FRMD7: variants seen among roughly 807,000 people sequenced by gnomAD.
FRMD7 encodes the protein FERM domain containing 7.
FRMD7 carries 14 observed loss-of-function variants against 44.1 expected under a neutral mutation model. That is an observed-to-expected ratio of 0.32 (90% CI 0.21 to 0.50). The LOEUF (loss-of-function observed/expected upper bound fraction) is 0.50. Ranked by LOEUF, FRMD7 falls within the 20% of genes least tolerant of loss-of-function variation. The pLI, the probability that FRMD7 is intolerant of heterozygous loss-of-function variation, is 0.99. For missense variants in FRMD7, 501 were observed against 522.3 expected (o/e 0.96, Z 0.40); for synonymous variants, 212 against 187.4 (o/e 1.13, Z -1.07).
At chrX:132,117,567 A>G (rs905691735) in intron 1 of FRMD7, among the ~76,000 whole-genome samples, 1 of 111,197 alleles carries the variant, frequency 9.0e-6, no homozygotes, top group African/African-American at 3.3e-5. Flanking sequence ...TCCAAAAGCA[A>G]TATATGCTTA....
chrX:132,089,530 CA>C (rs1362499272), intron 5 of FRMD7, among the ~76,000 whole-genome samples: 2 of 111,802 alleles, frequency 1.8e-5, no homozygotes, highest in East Asian at 5.6e-4. Context: ...TGTTGTACTT[CA>C]AAAGATATCC....
intron 1 of FRMD7, among the ~76,000 whole-genome samples, chrX:132,124,649 G>GA (rs1399227620): frequency 8.9e-6 from 1 of 112,153 alleles, no homozygotes; most frequent in African/African-American, 3.2e-5. Flanking sequence ...AGGAAAACAA[G>GA]ATGTATTTGG....
intron 1 of FRMD7, among the ~76,000 whole-genome samples, chrX:132,103,463 C>T (rs1373166749): frequency 9.3e-6 from 1 of 107,526 alleles, no homozygotes; most frequent in Non-Finnish European, 1.9e-5. Context: ...AATCCTGTCT[C>T]ATCCTGATAT....
At chrX:132,127,686 C>A in intron 1 of FRMD7, 102 bp downstream of exon 1, 1 of 646,276 alleles carries the variant, frequency 1.5e-6, no homozygotes. Flanking sequence ...CTCCTTCATT[C>A]AGTCCTAAAG....
Position 132,077,554 on chromosome X carries a change from TCAG to T in FRMD7, c.*315_*317del. 3.6e-6 allele frequency: 1 copy of T among 275,301 alleles called. No homozygotes were observed. The allele number at this position is 275,301 out of a possible 1,213,427, so 22.7% of individuals were successfully genotyped here. A position where few individuals can be genotyped will look rare whatever the true frequency, so the allele number is the denominator to read the frequency against. ...TGCCAACCCATACTGTCACCATTCT[TCAG>T]CATTGAAGAGCCTGACCTTCACTCA... On this transcript the variant is annotated 3_prime_UTR_variant, in exon 12 of 12. Transcript: ENST00000298542.
At chrX:132,112,687 G>T (rs768105535) in intron 1 of FRMD7, among the ~76,000 whole-genome samples, 1 of 111,273 alleles carries the variant, frequency 9.0e-6, no homozygotes, top group East Asian at 2.8e-4. Flanking sequence ...TATCCTGGGG[G>T]GTCCTGGAGA....
At chrX:132,119,967 C>A (rs1225502098) in intron 1 of FRMD7, among the ~76,000 whole-genome samples, 6 of 111,304 alleles carry the variant, frequency 5.4e-5, no homozygotes, top group Non-Finnish European at 1.1e-4. Context: ...CTAAGAGGCA[C>A]CTAGTATCAC....
intron 1 of FRMD7, among the ~76,000 whole-genome samples, chrX:132,102,202 C>A (rs1191822626): frequency 9.0e-6 from 1 of 110,921 alleles, no homozygotes; most frequent in African/African-American, 3.3e-5. Context: ...CCCCACCGTC[C>A]AAAAATACAC....
intron 2 of FRMD7, among the ~76,000 whole-genome samples, chrX:132,100,258 A>C (rs1427085571): frequency 1.8e-5 from 2 of 111,509 alleles, no homozygotes; most frequent in African/African-American, 6.5e-5. Context: ...CAGCCTCCCA[A>C]GTAGCTGGGA....
chrX:132,078,796 C>A lies in FRMD7; in HGVS notation c.1221G>T (p.Gln407His). The change falls in exon 12 of 12, where the codon CAG becomes CAT. Residue 407 changes from glutamine to histidine, a missense_variant. Around this residue, in one of 3 missense-constraint regions of FRMD7, gnomAD observed 453 missense variants for 452.7 expected, o/e 1.00. Transcript: ENST00000298542. ...KPEADPTLLH[Q>H]SQSSSSFPFI... is the part of the protein sequence containing the mutation. ...AAGGGAAAGAGGAACTGCTTTGGGACTGATGTAGCAATGTGGGATCCGCCT... is the reference window on the plus strand; with the variant it reads ...AAGGGAAAGAGGAACTGCTTTGGGAATGATGTAGCAATGTGGGATCCGCCT... 2 of 1,211,210 alleles carry A rather than the reference C, an allele frequency of 1.7e-6. No individual in the cohort carries two copies. The highest frequency in any genetic ancestry group is 3.5e-5 in the South Asian group (2 of 56,914).
intron 1 of FRMD7, among the ~76,000 whole-genome samples, chrX:132,110,296 C>A (rs1326550996): frequency 1.8e-5 from 2 of 110,689 alleles, no homozygotes; most frequent in African/African-American, 6.6e-5. Flanking sequence ...CAGGTTGGGG[C>A]TGCTATAATT....
rs373562264 is a variant in FRMD7, at chrX:132,080,152, A to C, written c.974+46T>G. ...ATACCAGGATACATAGAAATCTCCAAATTCAACATAAAATCAACACGAGCA... is the reference window on the plus strand; with the variant it reads ...ATACCAGGATACATAGAAATCTCCACATTCAACATAAAATCAACACGAGCA... On this transcript the variant is annotated intron_variant, in intron 10 of 11. Transcript: ENST00000298542. The C allele has an allele frequency of 8.4e-5, 95 of 1,134,283 alleles. No individual in the cohort carries two copies. In the African/African-American group the frequency reaches 1.4e-3, roughly 17 times the overall value. The allele number at this position is 1,134,283 out of a possible 1,213,427, so 93.5% of individuals were successfully genotyped here. A position where few individuals can be genotyped will look rare whatever the true frequency, so the allele number is the denominator to read the frequency against.
intron 9 of FRMD7, among the ~76,000 whole-genome samples, chrX:132,080,821 A>G (rs2124213912): frequency 9.0e-6 from 1 of 111,124 alleles, no homozygotes; most frequent in African/African-American, 3.3e-5. Context: ...TCAAATAATA[A>G]TAACAATATA....
At chrX:132,112,023 C>T (rs753181700) in intron 1 of FRMD7, among the ~76,000 whole-genome samples, 5 of 112,073 alleles carry the variant, frequency 4.5e-5, no homozygotes, top group Non-Finnish European at 7.5e-5. Context: ...TTTTACTTTT[C>T]GGTAAAAATG....
In FRMD7 at chrX:132,078,357, T is replaced by C. The variant is rs777640376; in HGVS notation, c.1660A>G (p.Ile554Val). The change falls in exon 12 of 12, where the codon ATA becomes GTA. Residue 554 changes from isoleucine (I) to valine (V), a missense_variant. Coordinates refer to ENST00000298542, the MANE Select transcript of FRMD7 (RefSeq NM_194277.3). ...QQDLQVLQEA[I>V]ARTSGRSNIN... ...TTGCTCCTACCGCTAGTCCTGGCTA[T>C]AGCTTCTTGGAGTACTTGCAGGTCT... is the stretch of plus-strand genomic sequence containing the variant. 8.3e-7 allele frequency: 1 copy of C among 1,211,670 alleles called. No homozygotes were observed. Among genetic ancestry groups the C allele is most frequent in the South Asian group, 1.8e-5 (1 of 57,002 alleles).
At position 132,127,897 on chromosome X, in the gene FRMD7, C is replaced by A; in HGVS notation, c.-53G>T. ...AGGCTCAGAGTGCTGTGGGTGCTTT[C>A]TCCAGGAATTTCACTCCCAGCTGGA... On this transcript the variant is annotated 5_prime_UTR_variant, in exon 1 of 12. It introduces an in-frame stop codon into an upstream open reading frame of the 5' UTR. Coordinates refer to ENST00000298542, the MANE Select transcript of FRMD7 (RefSeq NM_194277.3). 1 of 1,041,011 alleles carries A rather than the reference C, an allele frequency of 9.6e-7. No homozygotes were observed. The highest frequency in any genetic ancestry group is 1.4e-6 in the Non-Finnish European group (1 of 740,143). The allele number at this position is 1,041,011 out of a possible 1,213,427, so 85.8% of individuals were successfully genotyped here.
At position 132,086,052 on chromosome X, in the gene FRMD7, G is replaced by A. The variant is rs1927979108; in HGVS notation, c.383-18C>T. The stretch of plus-strand genomic sequence containing the variant: ...AAGTTCTGCTGCATGACAGGAAAAA[G>A]ACATTTTTCACATTACCTTTGAGGA... On this transcript the variant is annotated intron_variant, in intron 5 of 11. Transcript: ENST00000298542. The A allele has an allele frequency of 9.8e-7, 1 of 1,022,039 alleles. No homozygotes were observed. Among genetic ancestry groups the A allele is most frequent in the African/African-American group, 1.8e-5 (1 of 54,076 alleles). The allele number at this position is 1,022,039 out of a possible 1,213,427, so 84.2% of individuals were successfully genotyped here. A position where few individuals can be genotyped will look rare whatever the true frequency, so the allele number is the denominator to read the frequency against.
chrX:132,111,279 T>G (rs1928771515), intron 1 of FRMD7, among the ~76,000 whole-genome samples: 1 of 112,225 alleles, frequency 8.9e-6, no homozygotes, highest in South Asian at 3.7e-4. Context: ...TTACTTATTT[T>G]GAGACTGAGT....
intron 5 of FRMD7, among the ~76,000 whole-genome samples, chrX:132,089,022 G>A (rs1928085663): frequency 8.9e-6 from 1 of 112,054 alleles, no homozygotes; most frequent in South Asian, 3.7e-4. Flanking sequence ...GAAATGCACA[G>A]ATCTCAGAAT....
Sources: gnomAD v4.1 joint callset for allele counts (sites outside exome capture counted in the v4.1 genomes callset) on GRCh38, gnomAD v4.1.1 for gene constraint, gnomAD v4.1.1 regional missense constraint, MANE v1.5 for transcripts, NCBI Gene and HGNC (gene_info 2026-07-23, HGNC 2026-07-21) for gene names.